The following DPPA2 variants were observed in gnomAD, a reference collection of about 807,000 sequenced individuals.
DPPA2 encodes the protein developmental pluripotency-associated protein 2.
Under a neutral mutation model 36.2 loss-of-function variants are expected in DPPA2, and 26 were observed. The ratio of observed to expected loss-of-function variants is 0.72; its 90% CI spans 0.53 to 1.00. The LOEUF is 1.00. DPPA2 is among the 50% of genes least tolerant of loss of function. The pLI is 0.00. For synonymous variants in DPPA2, 113 were observed against 123.2 expected (o/e 0.92, Z 0.55); for missense variants, 361 against 365.1 (o/e 0.99, Z 0.09).
chr3:109,296,689 A>T, intron 8 of DPPA2, among the ~76,000 whole-genome samples: 2 of 5,630 alleles, frequency 3.6e-4, no homozygotes, highest in Middle Eastern at 0.071. Context: ...AAAAAATAAT[A>T]AAAAAAAAAG....
At position 109,308,073 on chromosome 3, in the gene DPPA2, G is replaced by A. The variant is rs1305691358; in HGVS notation, c.617C>T (p.Ser206Phe). The change falls in exon 6 of 9, where the codon TCC becomes TTC. Residue 206 changes from serine (S) to phenylalanine (F), a missense_variant. By Grantham distance (155) the Ser-to-Phe change is radical (BLOSUM62 -2). Transcript: ENST00000478945. Reference sequence around the variant, plus strand: ...AAAGGCCTCAACAGAAACAGGAATGGAACATGAATTCAAAGCCTTAGGCTG... The same window carrying A: ...AAAGGCCTCAACAGAAACAGGAATGAAACATGAATTCAAAGCCTTAGGCTG... ...AVQPKALNSC[S>F]IPVSVEAFLM... 4.3e-6 allele frequency: 7 copies of A among 1,614,218 alleles called. No individual in the cohort carries two copies. The highest frequency in any genetic ancestry group is 5.9e-6 in the Non-Finnish European group (7 of 1,180,050).
intron 8 of DPPA2, among the ~76,000 whole-genome samples, chr3:109,298,717 AAAT>A (rs56968344): frequency 1.6e-4 from 22 of 141,896 alleles, no homozygotes; most frequent in East Asian, 4.3e-4. Context: ...TTCTGTCTAA[AAAT>A]AATAATAATA....
At chr3:109,307,903 A>G in intron 6 of DPPA2, 129 bp downstream of exon 6, 2 of 1,232,266 alleles carry the variant, frequency 1.6e-6, no homozygotes, top group Non-Finnish European at 2.2e-6. Context: ...AAGATGTCCC[A>G]TGTGAATCCA....
chr3:109,300,468 T>C (rs1707438101), intron 7 of DPPA2, 33 bp from the exon 8 acceptor site: 4 of 1,603,480 alleles, frequency 2.5e-6, no homozygotes, highest in African/African-American at 1.3e-5. Context: ...CTGTGAAATA[T>C]TGCTACAGCA....
chr3:109,298,381 A>G (rs1707390236), intron 8 of DPPA2, among the ~76,000 whole-genome samples: 1 of 152,060 alleles, frequency 6.6e-6, no homozygotes, highest in East Asian at 1.9e-4. Context: ...CAGAAGTTTG[A>G]CTAGCCTGAG....
chr3:109,304,815 T>A, intron 6 of DPPA2, 145 bp from the exon 7 acceptor site: 1 of 792,118 alleles, frequency 1.3e-6, no homozygotes, highest in Non-Finnish European at 1.9e-6. Flanking sequence ...CACATGACAC[T>A]ATGATCTAAT....
chr3:109,303,526 C>T (rs1361406254), intron 7 of DPPA2, among the ~76,000 whole-genome samples: 7 of 151,912 alleles, frequency 4.6e-5, no homozygotes, highest in Admixed American at 2.0e-4. Flanking sequence ...TGTGCCACCA[C>T]GCCCAGCTAA....
At chr3:109,308,953 T>C (rs1290878597) in intron 5 of DPPA2, 73 bp downstream of exon 5, 23 of 1,549,010 alleles carry the variant, frequency 1.5e-5, no homozygotes, top group Non-Finnish European at 1.9e-5. Context: ...CACATAGATA[T>C]GGTGCGACGG....
intron 3 of DPPA2, among the ~76,000 whole-genome samples, chr3:109,310,865 G>C (rs2951409): frequency 0.51 from 77,800 of 151,390 alleles, 20,303 homozygotes; most frequent in East Asian, 0.81. Context: ...GCAGTGGTGC[G>C]ATCTCGGCTC....
intron 5 of DPPA2, 50 bp downstream of exon 5, chr3:109,308,976 G>C (rs775903324): frequency 6.2e-7 from 1 of 1,609,540 alleles, no homozygotes; most frequent in African/African-American, 1.3e-5. Context: ...GGGACCGGAC[G>C]AATCATGATC....
intron 6 of DPPA2, among the ~76,000 whole-genome samples, chr3:109,307,623 AAAG>A (rs1707603221): frequency 1.3e-5 from 2 of 151,692 alleles, no homozygotes; most frequent in Admixed American, 1.3e-4. Flanking sequence ...AAAAAAAAAA[AAAG>A]AACAGGATAC....
At chr3:109,307,226 C>T (rs913279798) in intron 6 of DPPA2, among the ~76,000 whole-genome samples, 1 of 151,978 alleles carries the variant, frequency 6.6e-6, no homozygotes. Context: ...ACCTCGGCCT[C>T]CCAAAGTTAT....
intron 1 of DPPA2, among the ~76,000 whole-genome samples, chr3:109,315,764 C>T (rs1310147866): frequency 6.6e-6 from 1 of 152,090 alleles, no homozygotes; most frequent in Non-Finnish European, 1.5e-5. Flanking sequence ...TGGCTCATGT[C>T]TGTAATCCTT....
At chr3:109,297,957 T>C (rs1707382159) in intron 8 of DPPA2, among the ~76,000 whole-genome samples, 1 of 151,916 alleles carries the variant, frequency 6.6e-6, no homozygotes, top group Non-Finnish European at 1.5e-5. Flanking sequence ...AATTAAAAAA[T>C]AAAACTAGCT....
intron 8 of DPPA2, 68 bp from the exon 9 acceptor site, chr3:109,294,072 A>C (rs1478998427): frequency 6.6e-6 from 1 of 152,152 alleles, no homozygotes; most frequent in Non-Finnish European, 1.5e-5. Context: ...TGGGGTCAAG[A>C]GAGTTAGGGT....
intron 2 of DPPA2, 26 bp from the exon 3 acceptor site, chr3:109,312,718 T>G (rs764210271): frequency 6.2e-7 from 1 of 1,611,260 alleles, no homozygotes; most frequent in African/African-American, 1.3e-5. Context: ...AGTCACTGAT[T>G]TTCATTTGAT....
At chr3:109,309,451 GC>G in intron 3 of DPPA2, 121 bp from the exon 4 acceptor site, 1 of 1,001,922 alleles carries the variant, frequency 1.0e-6, no homozygotes, top group Non-Finnish European at 1.5e-6. Flanking sequence ...ACTTTGGGAG[GC>G]CGAGGTAGGC....
intron 1 of DPPA2, 47 bp from the exon 2 acceptor site, chr3:109,314,602 C>A: frequency 6.5e-7 from 1 of 1,530,822 alleles, no homozygotes; most frequent in Non-Finnish European, 8.9e-7. Context: ...TAGTTTACTT[C>A]TCTTAACCTG....
chr3:109,300,714 C>T (rs1707442327), intron 7 of DPPA2, among the ~76,000 whole-genome samples: 1 of 142,050 alleles, frequency 7.0e-6, no homozygotes, highest in South Asian at 2.2e-4. Context: ...CCCAGCTACT[C>T]AGGAGGCTGA....
Sources: allele counts gnomAD v4.1 joint callset (sites outside exome capture counted in the v4.1 genomes callset), GRCh38; gene constraint gnomAD v4.1.1; transcripts MANE v1.5; gene names NCBI Gene and HGNC (gene_info 2026-07-23, HGNC 2026-07-21).